SLC45A2: variants seen among roughly 807,000 people sequenced by gnomAD.
The protein encoded by SLC45A2 is solute carrier family 45 member 2, also known as membrane-associated transporter protein.
SLC45A2 carries 36 observed loss-of-function variants against 45.5 expected under a neutral mutation model. The observed-to-expected ratio is 0.79, with a 90% confidence interval of 0.61 to 1.04. The LOEUF (loss-of-function observed/expected upper bound fraction) is 1.04. Ranked by LOEUF, SLC45A2 falls within the 50% of genes least tolerant of loss-of-function variation. SLC45A2 has a pLI of 0.00. For missense variants in SLC45A2, 719 were observed against 671.0 expected (o/e 1.07, Z -0.79); for synonymous variants, 306 against 269.3 (o/e 1.14, Z -1.33).
At chr5:33,954,946 C>T (rs1217387174) in intron 3 of SLC45A2, among the ~76,000 whole-genome samples, 1 of 152,114 alleles carries the variant, frequency 6.6e-6, no homozygotes, top group East Asian at 1.9e-4. Context: ...GATGTCATCC[C>T]TGTGATTATG....
rs1752323191 is a variant in SLC45A2, at chr5:33,957,897, G to T, written c.889-3393C>A. On this transcript the variant is annotated intron_variant, in intron 3 of 6. Transcript: ENST00000296589. ...AAATAAATATGAGCTTTCAAAATGT[G>T]CATAGTATTTCTGTAAAAGCTGAGA... Among the ~76,000 whole-genome samples, 3 of 152,144 alleles carry T rather than the reference G, an allele frequency of 2.0e-5. No individual in the cohort carries two copies. In the South Asian group the frequency reaches 6.2e-4, roughly 31 times the overall value.
intron 2 of SLC45A2, chr5:33,971,197 A>G: frequency 1.9e-6 from 1 of 529,722 alleles, no homozygotes; most frequent in Non-Finnish European, 3.9e-6. Flanking sequence ...ATATTTACCA[A>G]GAGAGGTGGA....
intron 3 of SLC45A2, among the ~76,000 whole-genome samples, chr5:33,961,716 G>A (rs1421319388): frequency 1.3e-5 from 2 of 152,074 alleles, no homozygotes; most frequent in East Asian, 1.9e-4. Flanking sequence ...ACAGTTGATC[G>A]ACAGCGCTGA....
At chr5:33,976,321 C>T (rs1023320817) in intron 2 of SLC45A2, among the ~76,000 whole-genome samples, 3 of 152,226 alleles carry the variant, frequency 2.0e-5, no homozygotes, top group African/African-American at 7.2e-5. Context: ...CCCTTATCCT[C>T]TCACTCATTC....
chr5:33,959,473 G>T (rs559235618), intron 3 of SLC45A2, among the ~76,000 whole-genome samples: 1 of 151,642 alleles, frequency 6.6e-6, no homozygotes, highest in African/African-American at 2.4e-5. Context: ...AGGGGGTTGA[G>T]TCCAGGCATT....
intron 1 of SLC45A2, among the ~76,000 whole-genome samples, chr5:33,983,583 C>T (rs1403918177): frequency 6.6e-6 from 1 of 152,168 alleles, no homozygotes; most frequent in African/African-American, 2.4e-5. Context: ...CTATTTTTAG[C>T]GATCCTTTTT....
chr5:33,963,112 G>A (rs1440609965), intron 3 of SLC45A2, among the ~76,000 whole-genome samples: 3 of 152,118 alleles, frequency 2.0e-5, no homozygotes, highest in East Asian at 1.9e-4. Flanking sequence ...ATAGCCCCAC[G>A]GGATTATTAG....
chr5:33,966,780 A>G (rs1752617604), intron 2 of SLC45A2, among the ~76,000 whole-genome samples: 1 of 152,228 alleles, frequency 6.6e-6, no homozygotes, highest in Non-Finnish European at 1.5e-5. Context: ...AGTTCAATAT[A>G]TCAATGAATT....
chr5:33,950,842 G>T (rs769391120), intron 5 of SLC45A2, among the ~76,000 whole-genome samples: 4 of 152,178 alleles, frequency 2.6e-5, no homozygotes, highest in African/African-American at 4.8e-5. Context: ...CATTTTTCAG[G>T]CCAGACGTTT....
At chr5:33,958,259 G>C (rs1467218693) in intron 3 of SLC45A2, among the ~76,000 whole-genome samples, 3 of 152,124 alleles carry the variant, frequency 2.0e-5, no homozygotes, top group African/African-American at 7.2e-5. Flanking sequence ...AAATAATTCA[G>C]CCCTCTTGCC....
chr5:33,944,839 T>A lies in SLC45A2; in HGVS notation c.1402A>T (p.Ser468Cys), dbSNP rs1461441174. Residue 468 changes from serine (S) to cysteine (C), a missense_variant, in exon 7 of 7, where the codon AGC (serine) becomes TGC (cysteine). By Grantham distance (112) the Ser-to-Cys change is moderately radical. Transcript: ENST00000296589. ...QQAPGGDPDN[S>C]VRGKGMDCAT... ...CAGTCCATGCCCTTCCCTCTCACGC[T>A]GTTGTCTGGGTCCCCTCCTGGGGCC... 1 of 1,613,838 alleles carries A rather than the reference T, an allele frequency of 6.2e-7. No homozygotes were observed. The highest frequency in any genetic ancestry group is 8.5e-7 in the Non-Finnish European group (1 of 1,179,876).
At chr5:33,961,057 G>C (rs1752440513) in intron 3 of SLC45A2, among the ~76,000 whole-genome samples, 1 of 152,144 alleles carries the variant, frequency 6.6e-6, no homozygotes, top group South Asian at 2.1e-4. Context: ...GTGTTCACTA[G>C]TCTTCTGATG....
Position 33,954,365 on chromosome 5 carries a change from C to A in SLC45A2, c.1028G>T (p.Gly343Val). Residue 343 changes from glycine to valine, a missense_variant, in exon 4 of 7, where the codon GGC becomes GTC. Transcript: ENST00000296589. ...GTGCACAGACACGTTCATTACCTGG[C>A]CCATGAAATCTGTGAAGAACAGCAT... ...SNMLFFTDFM[G>V]QIVYRGDPYS... 2 of 1,613,996 alleles carry A rather than the reference C, an allele frequency of 1.2e-6. No individual in the cohort carries two copies. The highest frequency in any genetic ancestry group is 1.7e-6 in the Non-Finnish European group (2 of 1,179,964).
rs553865261 is a variant in SLC45A2, at chr5:33,946,565, C to T, written c.1368+598G>A. ...TGCATAGGCGCTTGTTCACTAGTTG[C>T]GTTCCAAGGTTTAAATGGCACAGGT... is the stretch of plus-strand genomic sequence containing the variant. On this transcript the variant is annotated intron_variant, in intron 6 of 6. Coordinates refer to ENST00000296589, the MANE Select transcript of SLC45A2 (RefSeq NM_016180.5). The T allele has an allele frequency of 8.1e-6, 8 of 990,282 alleles. No homozygotes were observed. The South Asian group carries it at 1.4e-4, about 17-fold the overall frequency. 61.3% of individuals were successfully genotyped at this position (990,282 alleles called of 1,614,324 possible).
chr5:33,946,631 C>A (rs1751936652), intron 6 of SLC45A2: 1 of 1,008,402 alleles, frequency 9.9e-7, no homozygotes, highest in African/African-American at 1.7e-5. Flanking sequence ...ACCCATGATT[C>A]CAGCTTTCCT....
chr5:33,950,192 A>C (rs35396), intron 5 of SLC45A2, among the ~76,000 whole-genome samples: 11,051 of 152,116 alleles, frequency 0.073, 1,249 homozygotes, highest in East Asian at 0.42. Flanking sequence ...TTTGTCTTAA[A>C]AAAAGAAGAA....
chr5:33,959,321 T>C (rs931943067), intron 3 of SLC45A2, among the ~76,000 whole-genome samples: 5 of 152,196 alleles, frequency 3.3e-5, no homozygotes, highest in African/African-American at 1.2e-4. Context: ...TGTTATCATA[T>C]AGATATTCCG....
At position 33,951,667 on chromosome 5, in the gene SLC45A2, C is replaced by T. The variant is rs554113064; in HGVS notation, c.1043G>A (p.Arg348His). Residue 348 changes from arginine (R) to histidine (H), a missense_variant, in exon 5 of 7, where the codon CGC becomes CAC. Coordinates refer to ENST00000296589, the MANE Select transcript of SLC45A2 (RefSeq NM_016180.5). ...GTTGTGTGCACTATAGGGATCCCCG[C>T]GGTACACAATCTGAAAGAGAGATTG... ...FTDFMGQIVYRGDPYSAHNST... is the reference protein window; with the variant it reads ...FTDFMGQIVYHGDPYSAHNST... 18 of 1,614,004 alleles carry T rather than the reference C, an allele frequency of 1.1e-5. No homozygotes were observed. The highest frequency in any genetic ancestry group is 4.0e-5 in the African/African-American group (3 of 74,890).
chr5:33,946,464 A>G (rs1015278526), intron 6 of SLC45A2: 5 of 985,514 alleles, frequency 5.1e-6, no homozygotes, highest in Non-Finnish European at 6.0e-6. Context: ...GCCTATTTTC[A>G]CAGGAAGAAA....
Sources: gnomAD v4.1 joint callset for allele counts (sites outside exome capture counted in the v4.1 genomes callset) on GRCh38, gnomAD v4.1.1 for gene constraint, MANE v1.5 for transcripts, NCBI Gene and HGNC (gene_info 2026-07-23, HGNC 2026-07-21) for gene names.